The following PCDHGA7 variants were observed in gnomAD, a reference collection of about 807,000 sequenced individuals.
PCDHGA7 encodes protocadherin gamma-A7.
PCDHGA7 carries 44 observed loss-of-function variants against 58.3 expected under a neutral mutation model. That is an observed-to-expected ratio of 0.75 (90% CI 0.59 to 0.97). PCDHGA7 has a LOEUF of 0.97. PCDHGA7 is among the 50% of genes least tolerant of loss of function. The pLI is 0.00. For missense variants in PCDHGA7, 1,266 were observed against 1,188.7 expected (o/e 1.06, Z -0.96); for synonymous variants, 516 against 504.2 (o/e 1.02, Z -0.31).
rs202006594 is a variant in PCDHGA7 at position 141,477,618 on chromosome 5, C to G, written c.2425-17189C>G. On this transcript the variant is annotated intron_variant, in intron 1 of 3. Coordinates refer to ENST00000518325, the MANE Select transcript of PCDHGA7 (RefSeq NM_018920.4). The surrounding 1 kb of genome is among the most constrained non-coding windows in gnomAD (Gnocchi z 4.9). ...TCTTTCTTTCTCTTGGAGCAAGGAGCTGAAACCGGGCTAGTGGGTCGCTAT... is the reference window on the plus strand; with the variant it reads ...TCTTTCTTTCTCTTGGAGCAAGGAGGTGAAACCGGGCTAGTGGGTCGCTAT... 6.2e-7 allele frequency: 1 copy of G among 1,614,176 alleles called. No individual in the cohort carries two copies. Among genetic ancestry groups the G allele is most frequent in the East Asian group, 2.2e-5 (1 of 44,890 alleles).
In PCDHGA7 at chr5:141,432,076, G is replaced by A. The variant is rs1442341840; in HGVS notation, c.2424+46753G>A. The A allele has an allele frequency of 1.2e-6, 2 of 1,614,160 alleles. No homozygotes were observed. Among genetic ancestry groups the A allele is most frequent in the East Asian group, 2.2e-5 (1 of 44,872 alleles). On this transcript the variant is annotated intron_variant, in intron 1 of 3. Coordinates refer to ENST00000518325, the MANE Select transcript of PCDHGA7 (RefSeq NM_018920.4). This position sits in a 1 kb window ranked among gnomAD's most constrained non-coding sequence, Gnocchi z 6.0. ...CCCTATCCACGGAAACTCATATCTCGCTGAACGTGGCAGACACCAACGACA... is the reference window on the plus strand; with the variant it reads ...CCCTATCCACGGAAACTCATATCTCACTGAACGTGGCAGACACCAACGACA...
chr5:141,455,860 A>ATTATTTATTTAT (rs145569377), intron 1 of PCDHGA7, among the ~76,000 whole-genome samples: 9 of 139,836 alleles, frequency 6.4e-5, no homozygotes, highest in African/African-American at 7.9e-5. Context: ...AATTTCTTTT[A>ATTATTTATTTAT]TTATTTATTT....
chr5:141,409,903 G>A (rs570063514), intron 1 of PCDHGA7: 1 of 1,613,268 alleles, frequency 6.2e-7, no homozygotes, highest in Non-Finnish European at 8.5e-7. Flanking sequence ...ACCCAGCTCT[G>A]GGTCCTGACG....
intron 1 of PCDHGA7, chr5:141,427,984 C>T (rs754620535): frequency 1.9e-6 from 3 of 1,597,494 alleles, no homozygotes; most frequent in South Asian, 1.1e-5. Context: ...GCGCTGGGGC[C>T]CGATGGCTCC....
intron 1 of PCDHGA7, chr5:141,393,832 T>C (rs953592252): frequency 6.2e-7 from 1 of 1,613,866 alleles, no homozygotes; most frequent in African/African-American, 1.3e-5. Context: ...GTGGAAGATG[T>C]AAATGACAAT....
At chr5:141,418,449 A>C in intron 1 of PCDHGA7, 1 of 1,614,040 alleles carries the variant, frequency 6.2e-7, no homozygotes, top group Non-Finnish European at 8.5e-7. Context: ...TTAGTATTGC[A>C]GAAGACTCTG....
At chr5:141,419,547 T>C (rs2096397603) in intron 1 of PCDHGA7, 6 of 1,612,070 alleles carry the variant, frequency 3.7e-6, no homozygotes, top group Non-Finnish European at 5.1e-6. Context: ...CCGCGGGTGC[T>C]GTACCCTGCG....
chr5:141,478,415 C>T, intron 1 of PCDHGA7: 1 of 1,613,648 alleles, frequency 6.2e-7, no homozygotes, highest in Non-Finnish European at 8.5e-7. Flanking sequence ...CACGGACTCC[C>T]GCCGCAGCGA....
chr5:141,417,618 G>A (rs370911891), intron 1 of PCDHGA7: 3 of 654,230 alleles, frequency 4.6e-6, no homozygotes, highest in Non-Finnish European at 7.4e-6. Context: ...CCAGTGCAGA[G>A]CAAGCGCTGA....
At chr5:141,398,256 G>C in intron 1 of PCDHGA7, 3 of 1,460,296 alleles carry the variant, frequency 2.1e-6, no homozygotes, top group Non-Finnish European at 9.3e-7. Flanking sequence ...AAATGCCCAA[G>C]GGCTCCGTAG....
rs765353257 is a variant in PCDHGA7 at position 141,431,824 on chromosome 5, G to A, written c.2424+46501G>A. On this transcript the variant is annotated intron_variant, in intron 1 of 3. Coordinates refer to ENST00000518325, the MANE Select transcript of PCDHGA7 (RefSeq NM_018920.4). The surrounding 1 kb of genome is among the most constrained non-coding windows in gnomAD (Gnocchi z 4.8). ...TGGTCCTCACCTCTCTCGCCAGCTC[G>A]GTTCCCGAAAACTCTCCCAGAGGGA... is the stretch of plus-strand genomic sequence containing the variant. The A allele has an allele frequency of 1.3e-5, 21 of 1,614,092 alleles. No homozygotes were observed. In the South Asian group the frequency reaches 2.1e-4, roughly 16 times the overall value.
intron 1 of PCDHGA7, among the ~76,000 whole-genome samples, chr5:141,452,019 C>T (rs1227308101): frequency 3.3e-5 from 5 of 152,194 alleles, no homozygotes; most frequent in African/African-American, 1.2e-4. Flanking sequence ...AGCCCACACT[C>T]TGGGGAGATG....
intron 1 of PCDHGA7, chr5:141,433,025 G>A: frequency 6.2e-7 from 1 of 1,614,144 alleles, no homozygotes; most frequent in Non-Finnish European, 8.5e-7. Context: ...CTATTCCCAC[G>A]AGGTTTCCCT....
At chr5:141,415,700 A>G (rs1213224503) in intron 1 of PCDHGA7, 1 of 1,515,570 alleles carries the variant, frequency 6.6e-7, no homozygotes, top group East Asian at 2.5e-5. Flanking sequence ...GAAAGTGTAA[A>G]TGCTAAAACA....
intron 1 of PCDHGA7, chr5:141,396,749 A>G (rs944470602): frequency 1.3e-5 from 2 of 152,368 alleles, no homozygotes; most frequent in African/African-American, 4.8e-5. Flanking sequence ...GTAGAAGTAG[A>G]TGACCCAATA....
At chr5:141,407,240 C>T (rs1011878099) in intron 1 of PCDHGA7, among the ~76,000 whole-genome samples, 3 of 152,158 alleles carry the variant, frequency 2.0e-5, no homozygotes, top group African/African-American at 7.2e-5. Context: ...ATAAAGCATA[C>T]TTCAGGCTCA....
intron 1 of PCDHGA7, chr5:141,408,154 A>T: frequency 6.6e-7 from 1 of 1,510,630 alleles, no homozygotes; most frequent in Non-Finnish European, 8.9e-7. Context: ...GGTAGAGTGC[A>T]CTTTCTCCAA....
Position 141,489,323 on chromosome 5 carries a change from C to T in PCDHGA7, c.2425-5484C>T, listed in dbSNP as rs746520513. 1 of 1,601,632 alleles carries T rather than the reference C, an allele frequency of 6.2e-7. No individual in the cohort carries two copies. Among genetic ancestry groups the T allele is most frequent in the Non-Finnish European group, 8.5e-7 (1 of 1,172,950 alleles). ...TCCTTGTGCTGCTGGGGCTGGGTGT[C>T]TGGGCAGCTTCGTTACTCAGTGGTG... On this transcript the variant is annotated intron_variant, in intron 1 of 3. Coordinates refer to ENST00000518325, the MANE Select transcript of PCDHGA7 (RefSeq NM_018920.4). The surrounding 1 kb of genome is among the most constrained non-coding windows in gnomAD (Gnocchi z 4.5).
intron 1 of PCDHGA7, chr5:141,426,745 A>G (rs866203428): frequency 6.2e-5 from 28 of 454,130 alleles, no homozygotes; most frequent in Middle Eastern, 6.5e-4. Context: ...TTTGGCCTGG[A>G]ATCTGCTATA....
Sources: allele counts gnomAD v4.1 joint callset (sites outside exome capture counted in the v4.1 genomes callset), GRCh38; gene constraint gnomAD v4.1.1; non-coding constraint Gnocchi (gnomAD v3.1); transcripts MANE v1.5; gene names NCBI Gene and HGNC (gene_info 2026-07-23, HGNC 2026-07-21).